The following C4orf51 variants were observed in gnomAD, a reference collection of about 807,000 sequenced individuals.
C4orf51 encodes chromosome 4 open reading frame 51.
A neutral mutation model predicts 25.2 loss-of-function variants in C4orf51; 25 were observed. The ratio of observed to expected loss-of-function variants is 0.99; its 90% CI spans 0.72 to 1.39. The LOEUF is 1.39. C4orf51 is among the 40% of genes most tolerant of loss of function. C4orf51 has a pLI of 0.00. For synonymous variants in C4orf51, 100 were observed against 84.5 expected (o/e 1.18, Z -1.01); for missense variants, 252 against 239.6 (o/e 1.05, Z -0.34).
chr4:145,736,437 T>C (rs1413225800), downstream of C4orf51, among the ~76,000 whole-genome samples: 3 of 152,126 alleles, frequency 2.0e-5, no homozygotes, highest in African/African-American at 7.2e-5. Flanking sequence ...AGGGACTCTG[T>C]GACCTGAGCT....
At chr4:145,746,488 A>G (rs1733379013) in intron 1 of C4orf51, among the ~76,000 whole-genome samples, 2 of 152,052 alleles carry the variant, frequency 1.3e-5, no homozygotes, top group Non-Finnish European at 1.5e-5. Context: ...CCCCCAAGGT[A>G]TGTTCTTGGC....
At chr4:145,721,797 T>C (rs2126750679) in intron 2 of C4orf51, among the ~76,000 whole-genome samples, 1 of 152,266 alleles carries the variant, frequency 6.6e-6, no homozygotes, top group East Asian at 1.9e-4. Flanking sequence ...ACTTAAAAGA[T>C]AGAGATATGG....
At chr4:145,774,440 G>T (rs6832691), downstream of C4orf51, 2 of 1,539,880 alleles carry the variant, frequency 1.3e-6, no homozygotes, top group African/African-American at 1.4e-5. Flanking sequence ...CTTCGGCCAG[G>T]TGGCAGGTGC....
the C4orf51 span, chr4:145,779,259 T>A: frequency 5.5e-5 from 75 of 1,357,376 alleles, no homozygotes; most frequent in Non-Finnish European, 7.3e-5. Flanking sequence ...CTTGAAAAGG[T>A]CAGCCATTCC....
chr4:145,701,025 T>C (rs192472126), intron 2 of C4orf51, among the ~76,000 whole-genome samples: 1 of 152,112 alleles, frequency 6.6e-6, no homozygotes, highest in Non-Finnish European at 1.5e-5. Flanking sequence ...CTCTTTTTCA[T>C]CAGATATAAA....
At chr4:145,700,524 C>A (rs911903186) in intron 2 of C4orf51, among the ~76,000 whole-genome samples, 1 of 152,168 alleles carries the variant, frequency 6.6e-6, no homozygotes, top group African/African-American at 2.4e-5. Flanking sequence ...ACAAACTCAA[C>A]AGTAGTTCCA....
chr4:145,734,393 T>C (rs1732682343), downstream of C4orf51, among the ~76,000 whole-genome samples: 1 of 147,112 alleles, frequency 6.8e-6, no homozygotes, highest in African/African-American at 2.5e-5. Context: ...ATGAGTACAG[T>C]ACTGCGGCCT....
chr4:145,768,874 AAAAAAAAAAAAAAAAAATATATATATAT>A (rs1735746764), intron 1 of C4orf51, among the ~76,000 whole-genome samples: 1 of 21,924 alleles, frequency 4.6e-5, no homozygotes, highest in African/African-American at 1.4e-4. Context: ...AAAAAAAAAA[AAAAAAAAAAAAAAAAAATATATATATAT>A]ATATATATAT....
In C4orf51 at chr4:145,732,527, T is replaced by C; in HGVS notation, c.576T>C (p.Tyr192=). 1.2e-6 allele frequency: 2 copies of C among 1,610,904 alleles called. No individual in the cohort carries two copies. The highest frequency in any genetic ancestry group is 2.2e-5 in the East Asian group (1 of 44,868). The change falls in exon 6 of 6, where the codon TAT becomes TAC. Residue 192 remains tyrosine, a synonymous_variant. Transcript: ENST00000438731. ...CAGAAGCTGATCGATACTCCGATTA[T>C]GGCTGGGGAGGACCCTCATCGCCAT... ...EDSEADRYSD[Y]GWGGPSSPFN
chr4:145,701,529 TCTGA>T (rs1730441774), intron 2 of C4orf51, among the ~76,000 whole-genome samples: 1 of 151,822 alleles, frequency 6.6e-6, no homozygotes, highest in African/African-American at 2.4e-5. Flanking sequence ...CCCAAGGCTC[TCTGA>T]CTGACTCCTT....
the C4orf51 span, among the ~76,000 whole-genome samples, chr4:145,789,606 A>G: frequency 6.6e-6 from 1 of 152,218 alleles, no homozygotes; most frequent in South Asian, 2.1e-4. Flanking sequence ...GCTGAACTCA[A>G]CGTCACCTAG....
At chr4:145,694,086 C>T (rs1358078609) in intron 1 of C4orf51, among the ~76,000 whole-genome samples, 4 of 137,900 alleles carry the variant, frequency 2.9e-5, no homozygotes, top group Non-Finnish European at 3.1e-5. Context: ...CGGGCAGAGG[C>T]GCTCCTCACA....
rs187981510 is a variant in C4orf51, at chr4:145,742,004, T to A, written n.167+9385T>A. On this transcript the variant is annotated intron_variant and non_coding_transcript_variant, in intron 1 of 1. Coordinates refer to the C4orf51 transcript ENST00000508981. ...ACATGAGCCACCATGCCTGGCTGCA[T>A]TAACTTTATTTCTTTCAGTACTAAA... is the stretch of plus-strand genomic sequence containing the variant. Among the ~76,000 whole-genome samples, 9 of 152,312 alleles carry A rather than the reference T, an allele frequency of 5.9e-5. No homozygotes were observed. In the East Asian group the frequency reaches 1.7e-3, roughly 29 times the overall value.
chr4:145,762,194 T>C lies in C4orf51; in HGVS notation n.167-8794T>C, dbSNP rs1734625367. Among the ~76,000 whole-genome samples, 1 of 152,148 alleles carries C rather than the reference T, an allele frequency of 6.6e-6. No individual in the cohort carries two copies. Among genetic ancestry groups the C allele is most frequent in the African/African-American group, 2.4e-5 (1 of 41,416 alleles). On this transcript the variant is annotated intron_variant and non_coding_transcript_variant, in intron 1 of 1. Transcript: ENST00000510096. This position sits in a 1 kb window ranked among gnomAD's most constrained non-coding sequence, Gnocchi z 4.9. ...GTGTGTGTCTCTCTGTGTGAGTGTG[T>C]GCATGTGTACATATCTATGTACTCG... is the stretch of plus-strand genomic sequence containing the variant.
chr4:145,745,412 T>C (rs970207267), intron 1 of C4orf51, among the ~76,000 whole-genome samples: 1 of 150,728 alleles, frequency 6.6e-6, no homozygotes, highest in Admixed American at 6.6e-5. Flanking sequence ...ATTCTTCTAC[T>C]CTCCATCTCC....
intron 1 of C4orf51, among the ~76,000 whole-genome samples, chr4:145,682,231 AT>A (rs35999333): frequency 0.13 from 20,278 of 152,184 alleles, 1,410 homozygotes; most frequent in Admixed American, 0.2. Context: ...ATGTAAATAT[AT>A]TCTTTGCACA....
the C4orf51 span, among the ~76,000 whole-genome samples, chr4:145,792,345 A>C: frequency 0.011 from 1,731 of 152,122 alleles, 39 homozygotes; most frequent in African/African-American, 0.04. Flanking sequence ...TATGAAAGTC[A>C]GGGCATCCTA....
At chr4:145,697,757 A>C (rs1036132420) in intron 2 of C4orf51, among the ~76,000 whole-genome samples, 1 of 152,182 alleles carries the variant, frequency 6.6e-6, no homozygotes, top group East Asian at 1.9e-4. Flanking sequence ...TCCATTCATT[A>C]TTGATGGACA....
At chr4:145,755,908 G>T (rs1358290411), downstream of C4orf51, among the ~76,000 whole-genome samples, 1 of 152,164 alleles carries the variant, frequency 6.6e-6, no homozygotes, top group Non-Finnish European at 1.5e-5. Context: ...TTGCTCACAG[G>T]TTCTAAGCTG....
Sources: gnomAD v4.1 joint callset for allele counts (sites outside exome capture counted in the v4.1 genomes callset) on GRCh38, gnomAD v4.1.1 for gene constraint, Gnocchi (gnomAD v3.1) non-coding constraint, MANE v1.5 for transcripts, NCBI Gene and HGNC (gene_info 2026-07-23, HGNC 2026-07-21) for gene names.